The following CS variants were observed in gnomAD, a reference collection of about 807,000 sequenced individuals.
The protein encoded by CS is citrate synthase, also known as citrate synthase, mitochondrial.
Under a neutral mutation model 61.4 loss-of-function variants are expected in CS, and 13 were observed. The ratio of observed to expected loss-of-function variants is 0.21; its 90% CI spans 0.14 to 0.34. CS has a LOEUF of 0.34. Ranked by LOEUF, CS falls within the 10% of genes least tolerant of loss-of-function variation. CS has a pLI of 1.00. For synonymous variants in CS, 159 were observed against 215.2 expected, an observed-to-expected ratio of 0.74 and a Z score of 2.29; for missense variants, 278 against 573.4, an observed-to-expected ratio of 0.48 and a Z score of 5.26.
rs1296986718 is a variant in CS, at chr12:56,273,774, G to T, written c.1043C>A (p.Ala348Glu). ...SGRVVPGYGH[A>E]VLRKTDPRYT... The stretch of plus-strand genomic sequence containing the variant: ...TCGCGGATCAGTCTTCCTTAGTACT[G>T]CATGGCCATAGCCTGGAACAACCTG... Residue 348 changes from alanine (A) to glutamate (E), a missense_variant, in exon 10 of 11, where the codon GCA becomes GAA. By Grantham distance (107) the Ala-to-Glu change is moderately radical. Around this residue, in one of 2 missense-constraint regions of CS, gnomAD observed 223 missense variants for 503.5 expected, o/e 0.44. Transcript: ENST00000351328. 6.2e-7 allele frequency: 1 copy of T among 1,613,962 alleles called. No individual in the cohort carries two copies. The highest frequency in any genetic ancestry group is 1.1e-5 in the South Asian group (1 of 91,086).
intron 1 of CS, among the ~76,000 whole-genome samples, chr12:56,298,910 T>A (rs1195123413): frequency 6.6e-6 from 1 of 151,872 alleles, no homozygotes; most frequent in Non-Finnish European, 1.5e-5. Flanking sequence ...GGCGTGGCGG[T>A]GCACACCTGT....
intron 7 of CS, 54 bp downstream of exon 7, chr12:56,275,942 A>C: frequency 6.5e-7 from 1 of 1,535,834 alleles, no homozygotes; most frequent in Non-Finnish European, 9.0e-7. Flanking sequence ...GCTTTTAAAA[A>C]AATTTCCCAC....
At position 56,300,227 on chromosome 12, in the gene CS, G is replaced by A. The variant is rs1242798193; in HGVS notation, c.-26C>T. ...GGCGGGCGATCTCCGGGATCTGGTG[G>A]GGAGGTAAGAAAGGGAGAGAGCTGC... On this transcript the variant is annotated 5_prime_UTR_variant, in exon 1 of 11. Coordinates refer to ENST00000351328, the MANE Select transcript of CS (RefSeq NM_004077.3). 4 of 1,553,696 alleles carry A rather than the reference G, an allele frequency of 2.6e-6. No individual in the cohort carries two copies. The highest frequency in any genetic ancestry group is 1.7e-6 in the Non-Finnish European group (2 of 1,150,862).
intron 6 of CS, among the ~76,000 whole-genome samples, chr12:56,280,817 TA>T (rs1352390458): frequency 6.6e-6 from 1 of 152,156 alleles, no homozygotes; most frequent in Non-Finnish European, 1.5e-5. Flanking sequence ...TCATACCACC[TA>T]AAGTGTTTAT....
At chr12:56,273,847 T>G in intron 9 of CS, 51 bp from the exon 10 acceptor site, 1 of 1,501,712 alleles carries the variant, frequency 6.7e-7, no homozygotes. Flanking sequence ...ATTCTTTTAT[T>G]TTTCGAGACA....
chr12:56,282,226 A>G (rs1872797066), intron 6 of CS, 194 bp downstream of exon 6: 1 of 478,212 alleles, frequency 2.1e-6, no homozygotes, highest in Admixed American at 4.0e-5. Flanking sequence ...AGTCCTGGTG[A>G]TAGAAACCAT....
At chr12:56,278,733 G>A (rs1206304898) in intron 6 of CS, among the ~76,000 whole-genome samples, 4 of 148,436 alleles carry the variant, frequency 2.7e-5, no homozygotes, top group Non-Finnish European at 4.5e-5. Context: ...ACTCTGTCTC[G>A]GAAAAAAAAA....
At chr12:56,274,001 T>TTC in intron 9 of CS, 1 of 432,076 alleles carries the variant, frequency 2.3e-6, no homozygotes, top group East Asian at 3.9e-5. Flanking sequence ...ATCTGGCTTT[T>TTC]TTTTTTTTTT....
chr12:56,287,731 C>T (rs1440863450), intron 1 of CS, among the ~76,000 whole-genome samples: 1 of 151,642 alleles, frequency 6.6e-6, no homozygotes, highest in African/African-American at 2.4e-5. Context: ...CTCAGCTCAC[C>T]GCAACCTCAG....
chr12:56,288,351 T>C (rs1437489444), intron 1 of CS, among the ~76,000 whole-genome samples: 1 of 148,010 alleles, frequency 6.8e-6, no homozygotes, highest in Non-Finnish European at 1.5e-5. Flanking sequence ...TTAGAATTTT[T>C]TTTTTTTTTT....
chr12:56,296,410 C>G (rs1266720050), intron 1 of CS, among the ~76,000 whole-genome samples: 1 of 151,976 alleles, frequency 6.6e-6, no homozygotes, highest in Non-Finnish European at 1.5e-5. Flanking sequence ...AAGCCATGTT[C>G]GCACCACTGC....
At chr12:56,292,581 A>G (rs1873159666) in intron 1 of CS, among the ~76,000 whole-genome samples, 1 of 151,308 alleles carries the variant, frequency 6.6e-6, no homozygotes, top group African/African-American at 2.4e-5. Flanking sequence ...CTTTCTGCAG[A>G]AAGTATAAAA....
intron 1 of CS, among the ~76,000 whole-genome samples, chr12:56,293,246 T>A (rs1008121018): frequency 6.6e-6 from 1 of 152,206 alleles, no homozygotes; most frequent in African/African-American, 2.4e-5. Flanking sequence ...TGATTCTCCA[T>A]CCTAGGTACA....
chr12:56,282,839 A>G, intron 5 of CS, 21 bp downstream of exon 5: 9 of 1,613,698 alleles, frequency 5.6e-6, no homozygotes, highest in Non-Finnish European at 7.6e-6. Flanking sequence ...GAGAAGAGCT[A>G]ATAATATCCT....
intron 6 of CS, 52 bp from the exon 7 acceptor site, chr12:56,276,247 A>G (rs905379754): frequency 1.3e-6 from 2 of 1,557,968 alleles, no homozygotes; most frequent in African/African-American, 2.7e-5. Context: ...TCAGCAAAGA[A>G]GAATTAGGCA....
chr12:56,273,895 A>G lies in CS; in HGVS notation c.1021-99T>C, dbSNP rs1872568390. 3 of 1,028,806 alleles carry G rather than the reference A, an allele frequency of 2.9e-6. No individual in the cohort carries two copies. The Admixed American group carries it at 5.6e-5, about 19-fold the overall frequency. The allele number at this position is 1,028,806 out of a possible 1,614,324, so 63.7% of individuals were successfully genotyped here. The stretch of plus-strand genomic sequence containing the variant: ...GTCACCCAGGCTGGAGTGCAGTGGC[A>G]TGATCACATCTCACGGCAGCCTCGA... On this transcript the variant is annotated intron_variant, in intron 9 of 10. Transcript: ENST00000351328.
chr12:56,286,727 C>CCT, intron 1 of CS, 82 bp from the exon 2 acceptor site: 1 of 1,221,860 alleles, frequency 8.2e-7, no homozygotes, highest in Non-Finnish European at 1.2e-6. Flanking sequence ...AGTGACTCAA[C>CCT]CTCTCTCTCT....
In CS at chr12:56,282,875, G is replaced by C. The variant is rs1872816650; in HGVS notation, c.384C>G (p.Ile128Met). ...GLFWLLVTGH[I>M]PTEEQVSWLS... ...TCTGCTTTACCTGTTCCTCTGTTGG[G>C]ATATGTCCAGTTACCAGCAGCCAAA... The change falls in exon 5 of 11, where the codon ATC becomes ATG. Residue 128 changes from isoleucine (I) to methionine (M), a missense_variant. Physicochemically the swap from Ile to Met is conservative, Grantham distance 10. Transcript: ENST00000351328. 2 of 1,614,032 alleles carry C rather than the reference G, an allele frequency of 1.2e-6. No individual in the cohort carries two copies. The highest frequency in any genetic ancestry group is 8.5e-7 in the Non-Finnish European group (1 of 1,180,040).
intron 6 of CS, among the ~76,000 whole-genome samples, chr12:56,279,898 G>A (rs532666681): frequency 1.3e-5 from 2 of 151,750 alleles, no homozygotes; most frequent in East Asian, 3.9e-4. Context: ...AACCCAGGAG[G>A]CAGAGGTTGT....
Sources: allele counts gnomAD v4.1 joint callset (sites outside exome capture counted in the v4.1 genomes callset), GRCh38; gene constraint gnomAD v4.1.1; regional missense constraint gnomAD v4.1.1; transcripts MANE v1.5; gene names NCBI Gene and HGNC (gene_info 2026-07-23, HGNC 2026-07-21).